The following ABCB4 variants were observed in gnomAD, a reference collection of about 807,000 sequenced individuals.
ABCB4 encodes phosphatidylcholine translocator ABCB4.
A neutral mutation model predicts 145.7 loss-of-function variants in ABCB4; 76 were observed. The ratio of observed to expected loss-of-function variants is 0.52; its 90% CI spans 0.43 to 0.63. The LOEUF is 0.63. Among genes scored for constraint, ABCB4 ranks in the 30% least tolerant of loss-of-function variants. ABCB4 has a pLI of 0.00. For synonymous variants in ABCB4, 517 were observed against 566.8 expected, an observed-to-expected ratio of 0.91 and a Z score of 1.25; for missense variants, 1,234 against 1,553.1, an observed-to-expected ratio of 0.79 and a Z score of 3.45.
intron 3 of ABCB4, among the ~76,000 whole-genome samples, chr7:87,470,504 A>T (rs1274141282): frequency 2.0e-5 from 3 of 152,184 alleles, no homozygotes; most frequent in Admixed American, 6.5e-5. Flanking sequence ...GAATCTACAA[A>T]GAACTCAAAC....
intron 4 of ABCB4, among the ~76,000 whole-genome samples, chr7:87,456,118 A>G (rs1260967840): frequency 6.6e-6 from 1 of 152,180 alleles, no homozygotes; most frequent in Admixed American, 6.5e-5. Flanking sequence ...TTGGAAGAGT[A>G]TTTGGAACTA....
chr7:87,443,825 A>G, intron 10 of ABCB4, 52 bp from the exon 11 acceptor site: 1 of 1,430,982 alleles, frequency 7.0e-7, no homozygotes, highest in Non-Finnish European at 9.8e-7. Flanking sequence ...AACAAGTTGC[A>G]TTTTTAAGGA....
In ABCB4 at chr7:87,412,033, C is replaced by A; in HGVS notation, c.2784G>T (p.Arg928Ser). ...MYVEKLYGPY[R>S]NSVQKAHIYG... is the part of the protein sequence containing the mutation. Reference sequence around the variant, plus strand: ...AGATGTGTGCCTTCTGCACAGAATTCCTGAAAAGCAAATCAGTATACTTGT... The same window carrying A: ...AGATGTGTGCCTTCTGCACAGAATTACTGAAAAGCAAATCAGTATACTTGT... The change falls in exon 23 of 28, where the codon AGG becomes AGT. Residue 928 changes from arginine (R) to serine (S), a missense_variant and splice_region_variant. By Grantham distance (110) the Arg-to-Ser change is moderately radical (BLOSUM62 -1). Coordinates refer to ENST00000649586, the MANE Select transcript of ABCB4 (RefSeq NM_000443.4). 6.2e-7 allele frequency: 1 copy of A among 1,613,586 alleles called. No homozygotes were observed. The highest frequency in any genetic ancestry group is 1.1e-5 in the South Asian group (1 of 91,050).
chr7:87,426,618 T>G, intron 16 of ABCB4, 132 bp downstream of exon 16: 2 of 868,888 alleles, frequency 2.3e-6, no homozygotes, highest in Non-Finnish European at 1.8e-6. Flanking sequence ...TTTGAAAATT[T>G]TTTTCTTTAC....
chr7:87,371,397 C>T, the ABCB4 span, among the ~76,000 whole-genome samples: 2 of 152,132 alleles, frequency 1.3e-5, no homozygotes, highest in Non-Finnish European at 2.9e-5. Context: ...ACATAGAATT[C>T]CATCAAATGG....
At chr7:87,372,371 A>C in the ABCB4 span, among the ~76,000 whole-genome samples, 2 of 152,146 alleles carry the variant, frequency 1.3e-5, no homozygotes, top group African/African-American at 4.8e-5. Context: ...ATCTTGGATA[A>C]TATTTGTGTG....
At chr7:87,449,548 C>T (rs930728026) in intron 8 of ABCB4, among the ~76,000 whole-genome samples, 13 of 151,474 alleles carry the variant, frequency 8.6e-5, no homozygotes, top group African/African-American at 2.9e-4. Flanking sequence ...ATTCTCCTGC[C>T]TCAGCCTCCT....
chr7:87,419,312 T>C (rs968352312), intron 19 of ABCB4, among the ~76,000 whole-genome samples: 3 of 152,198 alleles, frequency 2.0e-5, no homozygotes, highest in Admixed American at 2.0e-4. Flanking sequence ...ATGTAATCAG[T>C]TCCTGTCAAT....
At chr7:87,409,650 C>G (rs1373789616) in intron 23 of ABCB4, among the ~76,000 whole-genome samples, 3 of 152,152 alleles carry the variant, frequency 2.0e-5, no homozygotes, top group African/African-American at 7.2e-5. Context: ...TTTCTTAGGA[C>G]TACTGTGACT....
chr7:87,465,733 G>A (rs1293487768), intron 3 of ABCB4, among the ~76,000 whole-genome samples: 3 of 152,182 alleles, frequency 2.0e-5, no homozygotes, highest in African/African-American at 7.2e-5. Flanking sequence ...AGCAACATTC[G>A]CTGTTCATCA....
the ABCB4 span, among the ~76,000 whole-genome samples, chr7:87,387,763 C>A: frequency 6.6e-6 from 1 of 152,058 alleles, no homozygotes; most frequent in Non-Finnish European, 1.5e-5. Flanking sequence ...ACTAGCCTGG[C>A]CAACATGGTA....
At chr7:87,367,726 G>A in the ABCB4 span, among the ~76,000 whole-genome samples, 2 of 152,016 alleles carry the variant, frequency 1.3e-5, no homozygotes, top group African/African-American at 4.8e-5. Flanking sequence ...CTCTCTCTCT[G>A]CTGCTTATCA....
At chr7:87,422,550 CTCTAT>C (rs1809523121) in intron 17 of ABCB4, among the ~76,000 whole-genome samples, 1 of 152,182 alleles carries the variant, frequency 6.6e-6, no homozygotes, top group Non-Finnish European at 1.5e-5. Context: ...TCCTGGTAAT[CTCTAT>C]TCTACTTTCT....
intron 2 of ABCB4, among the ~76,000 whole-genome samples, chr7:87,474,695 G>A (rs45529340): frequency 0.024 from 3,613 of 152,172 alleles, 141 homozygotes; most frequent in African/African-American, 0.083. Flanking sequence ...AAAGACACAC[G>A]CCATTGACTG....
At position 87,409,346 on chromosome 7, in the gene ABCB4, TG is replaced by T; in HGVS notation, c.2970del (p.Ser991ValfsTer26). On this transcript the variant is annotated frameshift_variant, in exon 24 of 28. Transcript: ENST00000649586. LOFTEE classifies it high-confidence loss of function. ...TTAGCATAGTCTGGAGCAAATGAAC[TG>T]GCATGTCCTAGAGCCACTGCACCAA... ...IVFGAVALGH[A>X]SSFAPDYAKA... 1 of 1,614,116 alleles carries T rather than the reference TG, an allele frequency of 6.2e-7. No individual in the cohort carries two copies. Among genetic ancestry groups the T allele is most frequent in the South Asian group, 1.1e-5 (1 of 91,090 alleles).
Position 87,413,653 on chromosome 7 carries a change from T to C in ABCB4, c.2747A>G (p.Glu916Gly), listed in dbSNP as rs138595432. 6.2e-7 allele frequency: 1 copy of C among 1,612,494 alleles called. No individual in the cohort carries two copies. The highest frequency in any genetic ancestry group is 1.3e-5 in the African/African-American group (1 of 75,008). Residue 916 changes from glutamate (E) to glycine (G), a missense_variant, in exon 22 of 28, where the codon GAA becomes GGA. This residue lies in a region of ABCB4 where 301 missense variants were observed against 389.0 expected (regional missense o/e 0.77). Transcript: ENST00000649586. ...ATACAATTTTTCAACATACATTGATTCAAATTTTCTTTCCTGGGTCAAAGA... is the reference window on the plus strand; with the variant it reads ...ATACAATTTTTCAACATACATTGATCCAAATTTTCTTTCCTGGGTCAAAGA... Reference protein sequence around the residue: ...VVSLTQERKFESMYVEKLYGP... With the variant: ...VVSLTQERKFGSMYVEKLYGP...
At chr7:87,398,754 A>G, downstream of ABCB4, 2 of 1,038,408 alleles carry the variant, frequency 1.9e-6, no homozygotes, top group African/African-American at 1.6e-5. Flanking sequence ...CATTCCTTTA[A>G]CAAGTTAAGA....
the ABCB4 span, among the ~76,000 whole-genome samples, chr7:87,385,544 T>A: frequency 2.6e-5 from 4 of 152,238 alleles, no homozygotes; most frequent in Non-Finnish European, 4.4e-5. Context: ...TGATTTTATA[T>A]CTTGCAACTT....
At chr7:87,472,965 T>C (rs1405246303) in intron 2 of ABCB4, among the ~76,000 whole-genome samples, 2 of 152,226 alleles carry the variant, frequency 1.3e-5, no homozygotes, top group African/African-American at 4.8e-5. Flanking sequence ...ATTAAGTTAT[T>C]TGTTTTCTAA....
Sources: gnomAD v4.1 joint callset for allele counts (sites outside exome capture counted in the v4.1 genomes callset) on GRCh38, gnomAD v4.1.1 for gene constraint, gnomAD v4.1.1 regional missense constraint, MANE v1.5 for transcripts, NCBI Gene and HGNC (gene_info 2026-07-23, HGNC 2026-07-21) for gene names.